The following PFKM variants were observed in gnomAD, a reference collection of about 807,000 sequenced individuals.
The protein encoded by PFKM is ATP-dependent 6-phosphofructokinase, muscle type.
PFKM carries 58 observed loss-of-function variants against 95.5 expected under a neutral mutation model. That is an observed-to-expected ratio of 0.61 (90% CI 0.49 to 0.76). The LOEUF (loss-of-function observed/expected upper bound fraction) is 0.76, where lower values mean the gene tolerates loss of function less well. Ranked by LOEUF, PFKM falls within the 30% of genes least tolerant of loss-of-function variation. The pLI is 0.00. For missense variants in PFKM, 678 were observed against 1,005.4 expected (o/e 0.67, Z 4.40); for synonymous variants, 336 against 357.2 (o/e 0.94, Z 0.67).
Position 48,145,663 on chromosome 12 carries a change from C to T in PFKM, c.2298C>T (p.His766=). Residue 766 remains histidine, a synonymous_variant, in exon 23 of 23, where the codon CAC becomes CAT. Coordinates refer to ENST00000359794, the MANE Select transcript of PFKM (RefSeq NM_000289.6). The surrounding 1 kb of genome is among the most constrained non-coding windows in gnomAD (Gnocchi z 4.3). ...ACTTGGACACTTCAGACCATGCCCA[C>T]CTGGAGCACATCACCCGGAAGCGGT... is the stretch of plus-strand genomic sequence containing the variant. ...EIDLDTSDHA[H]LEHITRKRSG... 6.2e-7 allele frequency: 1 copy of T among 1,614,194 alleles called. No individual in the cohort carries two copies. Among genetic ancestry groups the T allele is most frequent in the African/African-American group, 1.3e-5 (1 of 75,048 alleles).
Position 48,138,288 on chromosome 12 carries a change from G to A in PFKM, c.1062+442G>A, listed in dbSNP as rs1392327462. On this transcript the variant is annotated intron_variant, in intron 11 of 22. Coordinates refer to ENST00000359794, the MANE Select transcript of PFKM (RefSeq NM_000289.6). ...ACGAGGTTACTAATGCTAACGTTGA[G>A]GGTTATTGTAAGGATTGGAGATAAG... Among the ~76,000 whole-genome samples, 5 of 152,298 alleles carry A rather than the reference G, an allele frequency of 3.3e-5. No individual in the cohort carries two copies. The East Asian group carries it at 5.8e-4, about 18-fold the overall frequency.
rs1565890668 is a variant in PFKM at position 48,134,789 on chromosome 12, AT to A, written c.708del (p.Asp236GlufsTer86). On this transcript the variant is annotated frameshift_variant, in exon 8 of 23. Transcript: ENST00000359794. LOFTEE classifies it high-confidence loss of function. ...GTTTTTATTCCTGAATGTCCACCAG[AT>A]GACGACTGGGAGGAACACCTTTGTC... ...DWVFIPECPP[D>X]DDWEEHLCRR... The A allele has an allele frequency of 6.2e-7, 1 of 1,614,148 alleles. No individual in the cohort carries two copies.
At chr12:48,142,210 C>T in intron 17 of PFKM, 144 bp downstream of exon 17, 1 of 877,992 alleles carries the variant, frequency 1.1e-6, no homozygotes, top group East Asian at 2.5e-5. Context: ...TGGTGGCTCA[C>T]ACTTCTAATC....
intron 10 of PFKM, 54 bp downstream of exon 10, chr12:48,135,437 C>G: frequency 7.8e-7 from 1 of 1,289,778 alleles, no homozygotes; most frequent in Non-Finnish European, 1.1e-6. Context: ...ACCTTGTAGT[C>G]CTGCCCCCTC....
At chr12:48,134,885 C>G in intron 8 of PFKM, 56 bp downstream of exon 8, 1 of 1,583,158 alleles carries the variant, frequency 6.3e-7, no homozygotes, top group Non-Finnish European at 8.7e-7. Flanking sequence ...CACTGATGAT[C>G]TCTTTCCCAC....
upstream of PFKM, chr12:48,105,643 G>T (rs1054833384): frequency 2.3e-6 from 1 of 427,016 alleles, no homozygotes; most frequent in African/African-American, 2.0e-5. Context: ...CGAGCTTCCC[G>T]GTGAAAACAG....
intron 17 of PFKM, chr12:48,142,302 A>T: frequency 3.7e-6 from 2 of 544,412 alleles, no homozygotes; most frequent in Middle Eastern, 5.1e-4. Flanking sequence ...GTGAAACCCC[A>T]TCTCTACTAA....
At chr12:48,110,990 T>A (rs987722004) in intron 3 of PFKM, among the ~76,000 whole-genome samples, 1 of 152,142 alleles carries the variant, frequency 6.6e-6, no homozygotes, top group Non-Finnish European at 1.5e-5. Context: ...CATTTCAAGA[T>A]AGGTAAGAGT....
At chr12:48,118,861 A>T (rs77322589), upstream of PFKM, among the ~76,000 whole-genome samples, 9,127 of 147,558 alleles carry the variant, frequency 0.062, 359 homozygotes, top group Non-Finnish European at 0.094. Context: ...TCATAATTCA[A>T]TGTTCCTCAA....
intron 3 of PFKM, among the ~76,000 whole-genome samples, chr12:48,112,519 G>A (rs1947287056): frequency 6.6e-6 from 1 of 152,240 alleles, no homozygotes; most frequent in Non-Finnish European, 1.5e-5. Flanking sequence ...GTAATTTGCT[G>A]AGCCTGATGG....
chr12:48,109,816 C>G (rs1947028191), intron 3 of PFKM, among the ~76,000 whole-genome samples: 1 of 152,182 alleles, frequency 6.6e-6, no homozygotes, highest in Non-Finnish European at 1.5e-5. Flanking sequence ...TACCTCCCTG[C>G]TTCCTTCCTC....
intron 12 of PFKM, 87 bp downstream of exon 12, chr12:48,139,436 T>C (rs1950391781): frequency 2.0e-6 from 2 of 998,166 alleles, no homozygotes; most frequent in African/African-American, 3.2e-5. Context: ...GCCCAAAACA[T>C]GAGCTTCTGC....
At chr12:48,139,796 C>A in intron 12 of PFKM, 53 bp from the exon 13 acceptor site, 2 of 1,201,596 alleles carry the variant, frequency 1.7e-6, no homozygotes, top group Non-Finnish European at 2.5e-6. Flanking sequence ...TCCATGGCTG[C>A]TGGCTGTGGG....
At position 48,135,054 on chromosome 12, in the gene PFKM, G is replaced by A. The variant is rs1949941438; in HGVS notation, c.843+16G>A. On this transcript the variant is annotated intron_variant, in intron 9 of 22. Transcript: ENST00000359794. ...CATCAAGAATGTTCGTATGAATGAA[G>A]CCAGAGAGGCCTTAGAATCCATAGC... 1 of 1,569,928 alleles carries A rather than the reference G, an allele frequency of 6.4e-7. No homozygotes were observed. The highest frequency in any genetic ancestry group is 2.2e-5 in the East Asian group (1 of 44,682).
chr12:48,143,114 T>C (rs1950720260), intron 18 of PFKM, among the ~76,000 whole-genome samples, 168 bp downstream of exon 18: 4 of 152,246 alleles, frequency 2.6e-5, no homozygotes, highest in Admixed American at 2.6e-4. Flanking sequence ...TCACCTCATA[T>C]GCATGACCGC....
rs765868040 is a variant in PFKM at position 48,122,810 on chromosome 12, G to A, written c.36G>A (p.Leu12=). 1.2e-6 allele frequency: 2 copies of A among 1,614,108 alleles called. No individual in the cohort carries two copies. Among genetic ancestry groups the A allele is most frequent in the Non-Finnish European group, 1.7e-6 (2 of 1,179,980 alleles). ...THEEHHAAKT[L]GIGKAIAVLT... ...AAGAGCACCATGCAGCCAAAACCCT[G>A]GGGATTGGCAAAGCCATTGCTGTCT... Residue 12 remains leucine, a synonymous_variant, in exon 2 of 23, where the codon CTG becomes CTA. Transcript: ENST00000359794.
At chr12:48,140,029 G>C in intron 13 of PFKM, 117 bp downstream of exon 13, 1 of 714,298 alleles carries the variant, frequency 1.4e-6, no homozygotes, top group South Asian at 1.5e-5. Context: ...GCCCCACTCT[G>C]ATCTTCAGTG....
chr12:48,121,388 T>A (rs1948246441), intron 1 of PFKM, among the ~76,000 whole-genome samples: 1 of 152,254 alleles, frequency 6.6e-6, no homozygotes, highest in African/African-American at 2.4e-5. Flanking sequence ...CCCAACAAGT[T>A]GGGACCTTAT....
intron 2 of PFKM, 60 bp downstream of exon 2, chr12:48,122,919 T>C: frequency 1.4e-6 from 2 of 1,475,230 alleles, no homozygotes; most frequent in South Asian, 2.3e-5. Flanking sequence ...CTGACTCCCT[T>C]AGCCTATACA....
Sources: gnomAD v4.1 joint callset for allele counts (sites outside exome capture counted in the v4.1 genomes callset) on GRCh38, gnomAD v4.1.1 for gene constraint, Gnocchi (gnomAD v3.1) non-coding constraint, MANE v1.5 for transcripts, NCBI Gene and HGNC (gene_info 2026-07-23, HGNC 2026-07-21) for gene names.